The following SORCS1 variants were observed in gnomAD, a reference collection of about 807,000 sequenced individuals.
SORCS1 encodes the protein VPS10 domain-containing receptor SorCS1.
In SORCS1, 60 loss-of-function variants were observed where a neutral mutation model predicts 146.1. The observed-to-expected ratio is 0.41, with a 90% CI of 0.33 to 0.51. The LOEUF is 0.51. Ranked by LOEUF, SORCS1 falls within the 20% of genes least tolerant of loss-of-function variation. The pLI is 0.21. For synonymous variants in SORCS1, 637 were observed against 584.0 expected (o/e 1.09, Z -1.31); for missense variants, 1,352 against 1,487.6 (o/e 0.91, Z 1.50).
chr10:107,055,548 C>T (rs547736237), intron 1 of SORCS1, among the ~76,000 whole-genome samples: 3 of 152,206 alleles, frequency 2.0e-5, no homozygotes, highest in Non-Finnish European at 4.4e-5. Flanking sequence ...TTGCTCTGGG[C>T]ACATGAGTGC....
chr10:107,002,862 T>C (rs1461188032), intron 1 of SORCS1, among the ~76,000 whole-genome samples: 1 of 152,226 alleles, frequency 6.6e-6, no homozygotes, highest in Non-Finnish European at 1.5e-5. Flanking sequence ...CTGACATGCA[T>C]CATTCAAGGT....
At chr10:106,899,012 G>A (rs1170326589) in intron 2 of SORCS1, among the ~76,000 whole-genome samples, 3 of 152,224 alleles carry the variant, frequency 2.0e-5, no homozygotes, top group South Asian at 4.1e-4. Context: ...GTCCTTAGTG[G>A]TTTACCAGGT....
At chr10:107,136,959 T>C (rs1378063425) in intron 1 of SORCS1, among the ~76,000 whole-genome samples, 1 of 152,176 alleles carries the variant, frequency 6.6e-6, no homozygotes, top group Non-Finnish European at 1.5e-5. Flanking sequence ...CTTCTACAGA[T>C]GTAAGGCCAC....
chr10:106,599,218 T>G (rs1846085670), intron 23 of SORCS1, among the ~76,000 whole-genome samples: 1 of 151,864 alleles, frequency 6.6e-6, no homozygotes, highest in Admixed American at 6.6e-5. Flanking sequence ...CTACAAAAAA[T>G]TAGCCAGGCA....
intron 2 of SORCS1, among the ~76,000 whole-genome samples, chr10:106,840,887 T>G (rs1949004910): frequency 6.7e-6 from 1 of 148,510 alleles, no homozygotes; most frequent in African/African-American, 2.5e-5. Flanking sequence ...GATGGAGTCT[T>G]GCTCTGTCGC....
At chr10:106,918,482 C>T (rs1164876604) in intron 2 of SORCS1, among the ~76,000 whole-genome samples, 2 of 151,962 alleles carry the variant, frequency 1.3e-5, no homozygotes, top group African/African-American at 2.4e-5. Context: ...TTCTTAATAG[C>T]GAATATCCTG....
At chr10:106,682,233 C>T (rs746230362) in intron 10 of SORCS1, among the ~76,000 whole-genome samples, 1 of 152,140 alleles carries the variant, frequency 6.6e-6, no homozygotes, top group Non-Finnish European at 1.5e-5. Flanking sequence ...CTCAGCATGC[C>T]TCTGTTGCTA....
intron 1 of SORCS1, among the ~76,000 whole-genome samples, chr10:107,078,448 G>A (rs937549155): frequency 1.3e-5 from 2 of 152,174 alleles, no homozygotes; most frequent in African/African-American, 2.4e-5. Context: ...TTATAGGATC[G>A]GGACTTTGCA....
chr10:106,741,451 T>C (rs575649832), intron 5 of SORCS1, among the ~76,000 whole-genome samples: 133 of 152,064 alleles, frequency 8.7e-4, no homozygotes, highest in Non-Finnish European at 1.5e-3. Flanking sequence ...ATACAAAAAT[T>C]AGCTGGCGTG....
chr10:106,646,525 G>A (rs984217411), intron 18 of SORCS1, among the ~76,000 whole-genome samples: 7 of 151,702 alleles, frequency 4.6e-5, no homozygotes, highest in South Asian at 4.2e-4. Context: ...GTGAGACCCC[G>A]TCTCTACTAA....
chr10:106,943,318 T>A (rs899608287), intron 2 of SORCS1, among the ~76,000 whole-genome samples: 2 of 152,182 alleles, frequency 1.3e-5, no homozygotes, highest in African/African-American at 4.8e-5. Context: ...GGGGATCTCC[T>A]CAGTTTTTCT....
chr10:106,835,588 T>C (rs1948743847), intron 2 of SORCS1, among the ~76,000 whole-genome samples: 1 of 152,220 alleles, frequency 6.6e-6, no homozygotes. Context: ...GCTAGTAGTT[T>C]TAGGTGGTAC....
chr10:107,068,642 G>A (rs867458440), intron 1 of SORCS1, among the ~76,000 whole-genome samples: 2 of 152,066 alleles, frequency 1.3e-5, no homozygotes, highest in South Asian at 2.1e-4. Flanking sequence ...CAAGGCAGGC[G>A]GATCACAAGG....
intron 1 of SORCS1, among the ~76,000 whole-genome samples, chr10:107,068,304 C>G (rs1962086581): frequency 6.6e-6 from 1 of 152,138 alleles, no homozygotes; most frequent in African/African-American, 2.4e-5. Flanking sequence ...ACTGAGGCAA[C>G]TGAACTCCCA....
At chr10:106,592,090 C>A (rs940291833) in intron 24 of SORCS1, among the ~76,000 whole-genome samples, 2 of 152,208 alleles carry the variant, frequency 1.3e-5, no homozygotes, top group African/African-American at 4.8e-5. Context: ...CAGGCCATGA[C>A]CCTCCCTCAA....
intron 2 of SORCS1, among the ~76,000 whole-genome samples, chr10:106,942,698 A>G (rs1268721952): frequency 6.6e-6 from 1 of 152,162 alleles, no homozygotes; most frequent in African/African-American, 2.4e-5. Flanking sequence ...TGGTAAAAGG[A>G]AAGCTCCCCT....
intron 5 of SORCS1, among the ~76,000 whole-genome samples, chr10:106,760,710 AACAC>A (rs58948425): frequency 0.22 from 33,189 of 148,550 alleles, 3,830 homozygotes; most frequent in Non-Finnish European, 0.28. Flanking sequence ...CACACACACT[AACAC>A]ACACACACAC....
At chr10:106,890,771 A>G (rs1262763179) in intron 2 of SORCS1, among the ~76,000 whole-genome samples, 1 of 152,070 alleles carries the variant, frequency 6.6e-6, no homozygotes. Context: ...GTGGAATGTC[A>G]GTTACTGGCA....
At chr10:106,684,212 C>T (rs1272104892) in intron 10 of SORCS1, among the ~76,000 whole-genome samples, 1 of 152,142 alleles carries the variant, frequency 6.6e-6, no homozygotes, top group African/African-American at 2.4e-5. Flanking sequence ...GTGGCACACA[C>T]CTGTAATCCC....
Sources: allele counts gnomAD v4.1 joint callset (sites outside exome capture counted in the v4.1 genomes callset), GRCh38; gene constraint gnomAD v4.1.1; transcripts MANE v1.5; gene names NCBI Gene and HGNC (gene_info 2026-07-23, HGNC 2026-07-21).